LIPI: variants seen among roughly 807,000 people sequenced by gnomAD.
LIPI encodes the protein lipase member I.
A neutral mutation model predicts 50.6 loss-of-function variants in LIPI; 59 were observed. That is an observed-to-expected ratio of 1.16 (90% CI 0.94 to 1.45). The LOEUF (loss-of-function observed/expected upper bound fraction) is 1.45, where lower values mean the gene tolerates loss of function less well. LIPI is among the 40% of genes most tolerant of loss of function. The pLI is 0.00. For synonymous variants in LIPI, 203 were observed against 178.2 expected, an observed-to-expected ratio of 1.14 and a Z score of -1.11; for missense variants, 586 against 536.3, an observed-to-expected ratio of 1.09 and a Z score of -0.92.
chr21:14,140,635 C>A (rs2822427), intron 9 of LIPI, among the ~76,000 whole-genome samples: 40,913 of 151,816 alleles, frequency 0.27, 5,892 homozygotes, highest in East Asian at 0.44. Context: ...TTTACCATAT[C>A]TAAAATTAAT....
At chr21:14,156,941 C>T (rs747229755) in intron 7 of LIPI, among the ~76,000 whole-genome samples, 13 of 151,634 alleles carry the variant, frequency 8.6e-5, no homozygotes, top group South Asian at 2.1e-4. Flanking sequence ...AGGACTCAAA[C>T]GGAAATTAGA....
chr21:14,181,735 G>A (rs1383672026), intron 4 of LIPI, 23 bp downstream of exon 4: 3 of 1,397,686 alleles, frequency 2.1e-6, no homozygotes, highest in South Asian at 1.2e-5. Context: ...CAAATAATTA[G>A]GTAATAAATC....
intron 9 of LIPI, among the ~76,000 whole-genome samples, chr21:14,132,418 T>G (rs1280914333): frequency 6.6e-6 from 1 of 152,180 alleles, no homozygotes; most frequent in African/African-American, 2.4e-5. Context: ...TTCAAAGTGC[T>G]GAAAACACAC....
intron 7 of LIPI, among the ~76,000 whole-genome samples, chr21:14,157,311 C>G (rs549687526): frequency 6.6e-6 from 1 of 151,918 alleles, no homozygotes; most frequent in African/African-American, 2.4e-5. Context: ...GCTGGCACAA[C>G]CTTTTCCCTC....
At chr21:14,131,141 G>A (rs892032539) in intron 9 of LIPI, among the ~76,000 whole-genome samples, 4 of 151,948 alleles carry the variant, frequency 2.6e-5, no homozygotes, top group African/African-American at 9.7e-5. Flanking sequence ...TAGTAGAGAT[G>A]GGGTTTCATC....
chr21:14,178,157 C>T (rs1332267504), intron 4 of LIPI, among the ~76,000 whole-genome samples: 1 of 152,046 alleles, frequency 6.6e-6, no homozygotes, highest in Admixed American at 6.6e-5. Flanking sequence ...TCATACATCT[C>T]AATGGAGATT....
intron 3 of LIPI, among the ~76,000 whole-genome samples, chr21:14,183,060 C>T (rs1450290341): frequency 4.6e-5 from 7 of 152,098 alleles, no homozygotes; most frequent in Non-Finnish European, 1.0e-4. Context: ...CATCATGCTA[C>T]CTGACTTCAA....
chr21:14,112,704 G>A (rs1255417362), intron 9 of LIPI, among the ~76,000 whole-genome samples: 2 of 151,806 alleles, frequency 1.3e-5, no homozygotes, highest in Admixed American at 1.3e-4. Context: ...CATGCATTTT[G>A]TTTTTAAAAA....
At chr21:14,182,530 T>A (rs1188186440) in intron 3 of LIPI, among the ~76,000 whole-genome samples, 3 of 152,156 alleles carry the variant, frequency 2.0e-5, no homozygotes, top group Non-Finnish European at 4.4e-5. Context: ...GAAACAATCA[T>A]CTTAAAAAGA....
intron 7 of LIPI, 33 bp downstream of exon 7, chr21:14,163,386 T>C: frequency 9.5e-7 from 1 of 1,050,180 alleles, no homozygotes; most frequent in South Asian, 1.3e-5. Context: ...AAACTAAAAA[T>C]TTGTTTATTT....
intron 9 of LIPI, among the ~76,000 whole-genome samples, chr21:14,137,145 A>G (rs1229452984): frequency 2.0e-5 from 3 of 152,174 alleles, no homozygotes; most frequent in Admixed American, 1.3e-4. Context: ...TGAGGACTAC[A>G]ATAAACACCT....
intron 1 of LIPI, among the ~76,000 whole-genome samples, chr21:14,194,624 TGGTTGCCCTGGGCTGAG>T (rs140239772): frequency 0.14 from 20,966 of 152,062 alleles, 1,891 homozygotes; most frequent in South Asian, 0.21. Context: ...AGTAGGATTG[TGGTTGCCCTGGGCTGAG>T]GGAAAAGGGG....
At chr21:14,135,701 C>T (rs956653290) in intron 9 of LIPI, among the ~76,000 whole-genome samples, 5 of 152,108 alleles carry the variant, frequency 3.3e-5, no homozygotes, top group Admixed American at 1.3e-4. Flanking sequence ...TACTCTTTGC[C>T]TCTAAGTAAG....
Position 14,109,064 on chromosome 21 carries a change from A to G in LIPI, c.1312T>C (p.Tyr438His). The G allele has an allele frequency of 1.9e-6, 3 of 1,596,416 alleles. No individual in the cohort carries two copies. In the South Asian group the frequency reaches 3.3e-5, roughly 18 times the overall value. Residue 438 changes from tyrosine to histidine, a missense_variant, in exon 10 of 10, where the codon TAT (tyrosine) becomes CAT (histidine). Physicochemically the swap from Tyr to His is moderately conservative, Grantham distance 83. Coordinates refer to ENST00000681601, the MANE Select transcript of LIPI (RefSeq NM_001302998.2). ...TCTCTGTCTTTAAGTACAATATTAT[A>G]CCTGCAAAGTGGTGGTCTGAGAAAG... is the stretch of plus-strand genomic sequence containing the variant. ...TYPERPPLCRYNIVLKDREEV... is the reference protein window; with the variant it reads ...TYPERPPLCRHNIVLKDREEV...
intron 9 of LIPI, among the ~76,000 whole-genome samples, chr21:14,133,571 A>T (rs758850509): frequency 1.3e-5 from 2 of 152,224 alleles, no homozygotes; most frequent in African/African-American, 2.4e-5. Flanking sequence ...GAAAAATATA[A>T]GGAAGTTCAC....
chr21:14,182,482 G>T (rs967759496), intron 3 of LIPI, among the ~76,000 whole-genome samples: 1 of 152,154 alleles, frequency 6.6e-6, no homozygotes, highest in Non-Finnish European at 1.5e-5. Flanking sequence ...GGAGAGAGAA[G>T]ATAAAATTCA....
intron 7 of LIPI, among the ~76,000 whole-genome samples, 195 bp from the exon 8 acceptor site, chr21:14,152,879 G>A (rs2018148190): frequency 6.6e-6 from 1 of 151,844 alleles, no homozygotes; most frequent in African/African-American, 2.4e-5. Context: ...GTCAATTTTT[G>A]ACTACTCTTA....
chr21:14,111,876 G>A (rs2016429444), intron 9 of LIPI, among the ~76,000 whole-genome samples: 1 of 151,816 alleles, frequency 6.6e-6, no homozygotes, highest in East Asian at 1.9e-4. Flanking sequence ...AGATTCAGGG[G>A]GTACATGTGC....
At chr21:14,170,703 T>C in intron 4 of LIPI, among the ~76,000 whole-genome samples, 1 of 152,018 alleles carries the variant, frequency 6.6e-6, no homozygotes, top group Non-Finnish European at 1.5e-5. Flanking sequence ...TAGGTATTGA[T>C]GGGATGTATC....
Sources: gnomAD v4.1 joint callset for allele counts (sites outside exome capture counted in the v4.1 genomes callset) on GRCh38, gnomAD v4.1.1 for gene constraint, MANE v1.5 for transcripts, NCBI Gene and HGNC (gene_info 2026-07-23, HGNC 2026-07-21) for gene names.